DCPS: variants seen among roughly 807,000 people sequenced by gnomAD.
DCPS encodes the protein m7GpppX diphosphatase.
Under a neutral mutation model 34.7 loss-of-function variants are expected in DCPS, and 27 were observed. The ratio of observed to expected loss-of-function variants is 0.78; its 90% CI spans 0.57 to 1.07. The LOEUF (loss-of-function observed/expected upper bound fraction) is 1.07, where lower values mean the gene tolerates loss of function less well. Among genes scored for constraint, DCPS ranks in the 50% least tolerant of loss-of-function variants. The probability of loss-of-function intolerance (pLI) is 0.00; values close to 1 mark genes in which losing one functional copy is unlikely to be tolerated. For missense variants in DCPS, 464 were observed against 436.9 expected (o/e 1.06, Z -0.55); for synonymous variants, 185 against 185.7 (o/e 1.00, Z 0.03).
Position 126,328,086 on chromosome 11 carries a change from G to C in DCPS, c.377-3319G>C, listed in dbSNP as rs1299864862. Among the ~76,000 whole-genome samples, 1 of 152,204 alleles carries C rather than the reference G, an allele frequency of 6.6e-6. No homozygotes were observed. The highest frequency in any genetic ancestry group is 1.5e-5 in the Non-Finnish European group (1 of 68,040). ...GGAGGGTCAGCTCGGCCGTGGGAGC[G>C]GCCAGGGCACGGCCTGGAGAGGAGC... On this transcript the variant is annotated intron_variant, in intron 2 of 5. Transcript: ENST00000263579. The surrounding 1 kb of genome is among the most constrained non-coding windows in gnomAD (Gnocchi z 6.6).
chr11:126,317,400 CT>C (rs11292533), intron 2 of DCPS, among the ~76,000 whole-genome samples: 35,490 of 147,552 alleles, frequency 0.24, 4,049 homozygotes, highest in South Asian at 0.26. Flanking sequence ...GCATTTTGCT[CT>C]TTTTTTTTTT....
At position 126,336,434 on chromosome 11, in the gene DCPS, C is replaced by G. The variant is rs986698920; in HGVS notation, c.523-1852C>G. 6.6e-6 allele frequency: 1 copy of G among 152,272 alleles called. No homozygotes were observed. The highest frequency in any genetic ancestry group is 2.4e-5 in the African/African-American group (1 of 41,444). The allele number at this position is 152,272 out of a possible 1,614,324, so 9.4% of individuals were successfully genotyped here. ...CGTGTTCTCTGAAAACCTTCACCAC[C>G]CTTATGTAGATATCATCAGCCCCAT... On this transcript the variant is annotated intron_variant, in intron 3 of 5. Coordinates refer to ENST00000263579, the MANE Select transcript of DCPS (RefSeq NM_014026.6). The surrounding 1 kb of genome is among the most constrained non-coding windows in gnomAD (Gnocchi z 6.3).
chr11:126,338,481 G>T lies in DCPS; in HGVS notation c.636+82G>T. 7.7e-7 allele frequency: 1 copy of T among 1,290,472 alleles called. No homozygotes were observed. The highest frequency in any genetic ancestry group is 1.5e-5 in the African/African-American group (1 of 68,862). 79.9% of individuals were successfully genotyped at this position (1,290,472 alleles called of 1,614,324 possible). On this transcript the variant is annotated intron_variant, in intron 4 of 5. Coordinates refer to ENST00000263579, the MANE Select transcript of DCPS (RefSeq NM_014026.6). The surrounding 1 kb of genome is among the most constrained non-coding windows in gnomAD (Gnocchi z 5.4). ...TCCTTCTGACTGCCCTCTTTCTCAC[G>T]CTGGCCTGTCTCTAAGCAGATTATA...
chr11:126,332,603 A>T lies in DCPS; in HGVS notation c.522+1053A>T, dbSNP rs931967231. ...TGTGTGTGTGGGCACTGCAAGGTGAATTGTACTTGACAGGAGTAAGGAAAG... is the reference window on the plus strand; with the variant it reads ...TGTGTGTGTGGGCACTGCAAGGTGATTTGTACTTGACAGGAGTAAGGAAAG... On this transcript the variant is annotated intron_variant, in intron 3 of 5. Transcript: ENST00000263579. This position sits in a 1 kb window ranked among gnomAD's most constrained non-coding sequence, Gnocchi z 5.4. Among the ~76,000 whole-genome samples, 3 of 152,152 alleles carry T rather than the reference A, an allele frequency of 2.0e-5. No individual in the cohort carries two copies. The highest frequency in any genetic ancestry group is 4.8e-5 in the African/African-American group (2 of 41,440).
At chr11:126,310,312 G>T (rs1332393407) in intron 2 of DCPS, among the ~76,000 whole-genome samples, 3 of 152,190 alleles carry the variant, frequency 2.0e-5, no homozygotes, top group Non-Finnish European at 2.9e-5. Flanking sequence ...CCATTTGGAG[G>T]TCTCATAGGT....
Position 126,331,663 on chromosome 11 carries a change from TG to T in DCPS, c.522+118del. The T allele has an allele frequency of 1.5e-6, 2 of 1,357,032 alleles. No homozygotes were observed. Among genetic ancestry groups the T allele is most frequent in the African/African-American group, 1.4e-5 (1 of 69,088 alleles). The allele number at this position is 1,357,032 out of a possible 1,614,324, so 84.1% of individuals were successfully genotyped here. A position where few individuals can be genotyped will look rare whatever the true frequency, so the allele number is the denominator to read the frequency against. On this transcript the variant is annotated intron_variant, in intron 3 of 5. Coordinates refer to ENST00000263579, the MANE Select transcript of DCPS (RefSeq NM_014026.6). The surrounding 1 kb of genome is among the most constrained non-coding windows in gnomAD (Gnocchi z 7.2). Reference sequence around the variant, plus strand: ...CCAGGCGCTGTGCTGGGCGAGGGGATGGGGGTACAGTAGAGAGCATGGCGGA... The same window carrying T: ...CCAGGCGCTGTGCTGGGCGAGGGGATGGGGTACAGTAGAGAGCATGGCGGA...
rs1302041857 is a variant in DCPS, at chr11:126,320,509, C to G, written c.377-10896C>G. On this transcript the variant is annotated intron_variant, in intron 2 of 5. Transcript: ENST00000263579. This position sits in a 1 kb window ranked among gnomAD's most constrained non-coding sequence, Gnocchi z 4.7. Reference sequence around the variant, plus strand: ...TATTCTTAAAAAAAAATTAACCCATCAAGACTACAAGGGCGGGGTGCAGTG... The same window carrying G: ...TATTCTTAAAAAAAAATTAACCCATGAAGACTACAAGGGCGGGGTGCAGTG... 3.3e-5 allele frequency among the ~76,000 whole-genome samples: 5 copies of G among 152,122 alleles called. No individual in the cohort carries two copies. The highest frequency in any genetic ancestry group is 1.5e-5 in the Non-Finnish European group (1 of 68,026).
chr11:126,331,619 A>G lies in DCPS; in HGVS notation c.522+69A>G, dbSNP rs867323741. 3.6e-5 allele frequency: 57 copies of G among 1,573,620 alleles called. No homozygotes were observed. Among genetic ancestry groups the G allele is most frequent in the African/African-American group, 5.4e-5 (4 of 73,938 alleles). On this transcript the variant is annotated intron_variant, in intron 3 of 5. Coordinates refer to ENST00000263579, the MANE Select transcript of DCPS (RefSeq NM_014026.6). This position sits in a 1 kb window ranked among gnomAD's most constrained non-coding sequence, Gnocchi z 7.2. ...CTGGTGCCTCCTCTTACGAGTGTCT[A>G]TTGGGGTCATATTAGGGGCCAGGCG...
intron 4 of DCPS, chr11:126,341,774 G>A (rs1016737099): frequency 6.6e-6 from 1 of 152,238 alleles, no homozygotes; most frequent in African/African-American, 2.4e-5. Flanking sequence ...ACATTTCTTG[G>A]CCACAGGCCA....
intron 2 of DCPS, among the ~76,000 whole-genome samples, chr11:126,309,823 C>G (rs1410796005): frequency 6.6e-6 from 1 of 152,158 alleles, no homozygotes; most frequent in Non-Finnish European, 1.5e-5. Flanking sequence ...ATATTTTAGG[C>G]CTTGTGAGGC....
Position 126,325,968 on chromosome 11 carries a change from A to G in DCPS, c.377-5437A>G, listed in dbSNP as rs1298825809. On this transcript the variant is annotated intron_variant, in intron 2 of 5. Transcript: ENST00000263579. The surrounding 1 kb of genome is among the most constrained non-coding windows in gnomAD (Gnocchi z 4.3). ...CCCTGTCTCTACTAAAAATACAAGT[A>G]TTAGCCAGGCGTGGTGGCGTGGGCC... 6.6e-6 allele frequency among the ~76,000 whole-genome samples: 1 copy of G among 152,062 alleles called. No homozygotes were observed. Among genetic ancestry groups the G allele is most frequent in the Non-Finnish European group, 1.5e-5 (1 of 68,008 alleles).
chr11:126,345,776 G>C lies in DCPS; in HGVS notation c.*163G>C, dbSNP rs1951920959. 4 of 1,078,472 alleles carry C rather than the reference G, an allele frequency of 3.7e-6. No homozygotes were observed. The South Asian group carries it at 6.5e-5, about 17-fold the overall frequency. 66.8% of individuals were successfully genotyped at this position (1,078,472 alleles called of 1,614,324 possible). A position where few individuals can be genotyped will look rare whatever the true frequency, so the allele number is the denominator to read the frequency against. ...TCAGTGTGGACAGCGTGGCCTGGGA[G>C]GCAGACAGATGGTGGGGGACAGTGG... On this transcript the variant is annotated 3_prime_UTR_variant, in exon 6 of 6. Transcript: ENST00000263579. The surrounding 1 kb of genome is among the most constrained non-coding windows in gnomAD (Gnocchi z 7.4).
Position 126,338,057 on chromosome 11 carries a change from C to T in DCPS, c.523-229C>T, listed in dbSNP as rs562380181. 6.5e-5 allele frequency: 36 copies of T among 549,948 alleles called. No homozygotes were observed. The highest frequency in any genetic ancestry group is 5.0e-4 in the Middle Eastern group (1 of 2,018). 34.1% of individuals were successfully genotyped at this position (549,948 alleles called of 1,614,324 possible). Reference sequence around the variant, plus strand: ...CAAGCTGCAGAGACCCTTGTGATGACGCATGGCTGAGTGCCAGCTGGAGTG... The same window carrying T: ...CAAGCTGCAGAGACCCTTGTGATGATGCATGGCTGAGTGCCAGCTGGAGTG... On this transcript the variant is annotated intron_variant, in intron 3 of 5. Transcript: ENST00000263579. The surrounding 1 kb of genome is among the most constrained non-coding windows in gnomAD (Gnocchi z 5.4).
rs1004875501 is a variant in DCPS, at chr11:126,319,871, T to G, written c.377-11534T>G. 6.6e-6 allele frequency among the ~76,000 whole-genome samples: 1 copy of G among 152,186 alleles called. No homozygotes were observed. The highest frequency in any genetic ancestry group is 1.5e-5 in the Non-Finnish European group (1 of 68,028). On this transcript the variant is annotated intron_variant, in intron 2 of 5. Transcript: ENST00000263579. This position sits in a 1 kb window ranked among gnomAD's most constrained non-coding sequence, Gnocchi z 4.5. ...AGCTGTGTGTCCTTGGGCAAATTAC[T>G]CAACATCTCTGGGGCTCAGTTTTAA... is the stretch of plus-strand genomic sequence containing the variant.
In DCPS at chr11:126,319,172, A is replaced by G. The variant is rs1022620640; in HGVS notation, c.377-12233A>G. On this transcript the variant is annotated intron_variant, in intron 2 of 5. Coordinates refer to ENST00000263579, the MANE Select transcript of DCPS (RefSeq NM_014026.6). This position sits in a 1 kb window ranked among gnomAD's most constrained non-coding sequence, Gnocchi z 4.5. ...GCCTAGAGGGGCGCTTTTCAGCTGG[A>G]GGCATCACTATCATCATTCTCGCCG... Among the ~76,000 whole-genome samples, 1 of 152,048 alleles carries G rather than the reference A, an allele frequency of 6.6e-6. No individual in the cohort carries two copies. Among genetic ancestry groups the G allele is most frequent in the African/African-American group, 2.4e-5 (1 of 41,392 alleles).
rs759091675 is a variant in DCPS at position 126,304,141 on chromosome 11, C to A, written c.61C>A (p.His21Asn). 1.2e-6 allele frequency: 2 copies of A among 1,614,046 alleles called. No homozygotes were observed. Among genetic ancestry groups the A allele is most frequent in the Non-Finnish European group, 1.7e-6 (2 of 1,180,024 alleles). Residue 21 changes from histidine (H) to asparagine (N), a missense_variant, in exon 1 of 6, where the codon CAC (histidine) becomes AAC (asparagine). Physicochemically the swap from His to Asn is moderately conservative, Grantham distance 68 (BLOSUM62 1). Transcript: ENST00000263579. ...RKRELDVEEA[H>N]AASTEEKEAG... ...GCGCGAATTGGACGTGGAGGAGGCC[C>A]ACGCCGCCAGCACAGAGGAAAAGGA...
At position 126,328,676 on chromosome 11, in the gene DCPS, C is replaced by T. The variant is rs932283862; in HGVS notation, c.377-2729C>T. Among the ~76,000 whole-genome samples the T allele has an allele frequency of 3.3e-5, 5 of 152,134 alleles. No homozygotes were observed. The highest frequency in any genetic ancestry group is 6.5e-5 in the Admixed American group (1 of 15,282). ...GGGAGCCCGGCTGGGTGACCCTGCC[C>T]GCAGAACCCGGCTGCTCTCCAGCGC... On this transcript the variant is annotated intron_variant, in intron 2 of 5. Coordinates refer to ENST00000263579, the MANE Select transcript of DCPS (RefSeq NM_014026.6). This position sits in a 1 kb window ranked among gnomAD's most constrained non-coding sequence, Gnocchi z 6.6.
At chr11:126,317,800 C>A (rs192058517) in intron 2 of DCPS, among the ~76,000 whole-genome samples, 2 of 152,208 alleles carry the variant, frequency 1.3e-5, no homozygotes, top group Admixed American at 6.6e-5. Context: ...GGGGGGCTCG[C>A]GGCTCTAAGG....
Position 126,320,063 on chromosome 11 carries a change from C to T in DCPS, c.377-11342C>T, listed in dbSNP as rs930119068. Among the ~76,000 whole-genome samples the T allele has an allele frequency of 1.8e-4, 26 of 147,690 alleles. No individual in the cohort carries two copies. Among genetic ancestry groups the T allele is most frequent in the African/African-American group, 6.3e-4 (25 of 39,856 alleles). ...TCACCCAGGCTGGAGTGTAGTGAGG[C>T]GGTCTTGACTCTCCATCTTTACCAT... is the stretch of plus-strand genomic sequence containing the variant. On this transcript the variant is annotated intron_variant, in intron 2 of 5. Transcript: ENST00000263579. The surrounding 1 kb of genome is among the most constrained non-coding windows in gnomAD (Gnocchi z 4.7).
Sources: gnomAD v4.1 joint callset for allele counts (sites outside exome capture counted in the v4.1 genomes callset) on GRCh38, gnomAD v4.1.1 for gene constraint, Gnocchi (gnomAD v3.1) non-coding constraint, MANE v1.5 for transcripts, NCBI Gene and HGNC (gene_info 2026-07-23, HGNC 2026-07-21) for gene names.